Variants in RUFY3 observed in about 807,000 individuals in gnomAD.
RUFY3 encodes the protein protein RUFY3.
RUFY3 carries 34 observed loss-of-function variants against 84.0 expected under a neutral mutation model. The ratio of observed to expected loss-of-function variants is 0.40; its 90% CI spans 0.31 to 0.54. The LOEUF (loss-of-function observed/expected upper bound fraction) is 0.54. Among genes scored for constraint, RUFY3 ranks in the 20% least tolerant of loss-of-function variants. The pLI, the probability that RUFY3 is intolerant of heterozygous loss-of-function variation, is 0.39. For missense variants in RUFY3, 507 were observed against 736.8 expected (o/e 0.69, Z 3.61); for synonymous variants, 242 against 252.9 (o/e 0.96, Z 0.41).
At chr4:70,797,593 C>T (rs999238913) in intron 14 of RUFY3, among the ~76,000 whole-genome samples, 2 of 151,996 alleles carry the variant, frequency 1.3e-5, no homozygotes, top group Non-Finnish European at 2.9e-5. Flanking sequence ...ACCTGTAATC[C>T]CAGCACTTTG....
intron 17 of RUFY3, 80 bp from the exon 18 acceptor site, chr4:70,806,436 C>A: frequency 6.7e-7 from 1 of 1,495,660 alleles, no homozygotes; most frequent in Non-Finnish European, 9.2e-7. Flanking sequence ...TGAGCATTTG[C>A]CATATTTGGC....
At chr4:70,723,706 C>G (rs72654397) in intron 1 of RUFY3, among the ~76,000 whole-genome samples, 6 of 151,960 alleles carry the variant, frequency 3.9e-5, no homozygotes, top group Admixed American at 1.3e-4. Flanking sequence ...AAACAAAAAA[C>G]GCTTGCATAT....
chr4:70,728,712 C>G (rs1168141654), intron 1 of RUFY3, among the ~76,000 whole-genome samples: 2 of 152,028 alleles, frequency 1.3e-5, no homozygotes, highest in Admixed American at 1.3e-4. Context: ...CATTCCTACT[C>G]TCTGTTATCA....
intron 1 of RUFY3, among the ~76,000 whole-genome samples, chr4:70,758,104 A>G (rs1206752401): frequency 1.3e-5 from 2 of 152,208 alleles, no homozygotes; most frequent in East Asian, 1.9e-4. Context: ...GCTCAGTACA[A>G]TGTTACACAC....
intron 7 of RUFY3, among the ~76,000 whole-genome samples, chr4:70,777,856 T>C (rs1285097792): frequency 6.6e-6 from 1 of 152,252 alleles, no homozygotes; most frequent in Non-Finnish European, 1.5e-5. Flanking sequence ...ATGAACTCTT[T>C]TATTTCATTG....
rs189022955 is a variant in RUFY3 at position 70,780,295 on chromosome 4, T to G, written c.894+1857T>G. Among the ~76,000 whole-genome samples the G allele has an allele frequency of 2.0e-3, 295 of 150,458 alleles. 2 individuals carry two copies. The highest frequency in any genetic ancestry group is 7.2e-3 in the African/African-American group (289 of 39,876). The stretch of plus-strand genomic sequence containing the variant: ...GTTTTTTTGTTTTGTTTTGTTTTGT[T>G]TTTTGTTTTTTGTTTTTTGAGACAG... On this transcript the variant is annotated intron_variant, in intron 8 of 17. Coordinates refer to ENST00000381006, the MANE Select transcript of RUFY3 (RefSeq NM_001037442.4).
chr4:70,727,895 G>C (rs1253785373), intron 1 of RUFY3, among the ~76,000 whole-genome samples: 2 of 151,994 alleles, frequency 1.3e-5, no homozygotes, highest in Non-Finnish European at 2.9e-5. Flanking sequence ...GTATTATTGA[G>C]TGTTTAACAA....
chr4:70,793,845 G>C lies in RUFY3; in HGVS notation c.1398G>C (p.Gln466His). The part of the protein sequence containing the change: ...SAELDNRLFK[Q>H]DFGDKINSLQ... ...AGTTGGACAACCGGCTCTTCAAACA[G>C]GACTTTGGAGACAAGATCAACAGTC... The change falls in exon 13 of 18, where the codon CAG (glutamine) becomes CAC (histidine). Residue 466 changes from glutamine (Q) to histidine (H), a missense_variant. This residue lies in a region of RUFY3 where 334 missense variants were observed against 364.1 expected (regional missense o/e 0.92). Transcript: ENST00000381006. 1 of 1,614,090 alleles carries C rather than the reference G, an allele frequency of 6.2e-7. No individual in the cohort carries two copies. The highest frequency in any genetic ancestry group is 1.3e-5 in the African/African-American group (1 of 75,018).
intron 12 of RUFY3, chr4:70,792,721 G>C (rs114124999): frequency 2.0e-6 from 2 of 985,168 alleles, no homozygotes; most frequent in African/African-American, 1.7e-5. Context: ...AGAATTAAGA[G>C]TGTAAGATAG....
intron 1 of RUFY3, among the ~76,000 whole-genome samples, chr4:70,734,904 GCTT>G (rs1303670253): frequency 1.3e-5 from 2 of 152,172 alleles, no homozygotes; most frequent in Non-Finnish European, 2.9e-5. Context: ...GTGAAACAGA[GCTT>G]CTACTTGAAT....
At chr4:70,762,411 A>T (rs1022266196) in intron 1 of RUFY3, 108 bp from the exon 2 acceptor site, 2 of 980,098 alleles carry the variant, frequency 2.0e-6, no homozygotes, top group African/African-American at 3.3e-5. Context: ...GGAAACTGGC[A>T]TTTTTTTTCA....
chr4:70,775,608 G>A (rs985625147), intron 7 of RUFY3, among the ~76,000 whole-genome samples: 1 of 152,090 alleles, frequency 6.6e-6, no homozygotes, highest in African/African-American at 2.4e-5. Flanking sequence ...GCATATTTCA[G>A]AACTGATCTT....
intron 1 of RUFY3, among the ~76,000 whole-genome samples, chr4:70,759,432 A>G (rs1724646773): frequency 6.6e-6 from 1 of 151,394 alleles, no homozygotes; most frequent in Non-Finnish European, 1.5e-5. Flanking sequence ...TGTTGATGAC[A>G]CTTAGGTTGA....
At chr4:70,703,778 T>G (rs1739946961), upstream of RUFY3, 2 of 152,226 alleles carry the variant, frequency 1.3e-5, no homozygotes, top group African/African-American at 4.8e-5. Flanking sequence ...AATAAAAATG[T>G]TTACTTTTCC....
chr4:70,775,509 A>G (rs1163143155), intron 7 of RUFY3, among the ~76,000 whole-genome samples: 1 of 152,008 alleles, frequency 6.6e-6, no homozygotes, highest in African/African-American at 2.4e-5. Context: ...TTAAATAGAT[A>G]AATACGTAAA....
At chr4:70,735,243 G>GT (rs1299411087) in intron 1 of RUFY3, among the ~76,000 whole-genome samples, 1 of 152,176 alleles carries the variant, frequency 6.6e-6, no homozygotes, top group East Asian at 1.9e-4. Context: ...TGAGGGGGAG[G>GT]TGGAGAGTAT....
intron 13 of RUFY3, chr4:70,794,552 GCCTGGCA>G: frequency 2.3e-6 from 1 of 440,382 alleles, no homozygotes; most frequent in Non-Finnish European, 4.0e-6. Context: ...CTGCACTCCA[GCCTGGCA>G]ACAGAACAAG....
intron 1 of RUFY3, among the ~76,000 whole-genome samples, chr4:70,740,838 T>A (rs1159506140): frequency 6.6e-6 from 1 of 152,182 alleles, no homozygotes; most frequent in African/African-American, 2.4e-5. Context: ...AGACACATAA[T>A]TCCAAAATTA....
Position 70,793,885 on chromosome 4 carries a change from G to A in RUFY3, c.1438G>A (p.Glu480Lys), listed in dbSNP as rs779054462. The A allele has an allele frequency of 2.9e-5, 47 of 1,613,862 alleles. No homozygotes were observed. The South Asian group carries it at 4.4e-4, about 15-fold the overall frequency. Reference protein sequence around the residue: ...DKINSLQLEVEELTRQRNQLE... With the variant: ...DKINSLQLEVKELTRQRNQLE... ...GATCAACAGTCTGCAGCTGGAAGTCGAGGAGCTCACCAGGCAGCGGTGAAG... is the reference window on the plus strand; with the variant it reads ...GATCAACAGTCTGCAGCTGGAAGTCAAGGAGCTCACCAGGCAGCGGTGAAG... The change falls in exon 13 of 18, where the codon GAG becomes AAG. Residue 480 changes from glutamate (E) to lysine (K), a missense_variant. By Grantham distance (56) the Glu-to-Lys change is moderately conservative. Around this residue, in one of 4 missense-constraint regions of RUFY3, gnomAD observed 334 missense variants for 364.1 expected, o/e 0.92. Coordinates refer to ENST00000381006, the MANE Select transcript of RUFY3 (RefSeq NM_001037442.4).
Sources: gnomAD v4.1 joint callset for allele counts (sites outside exome capture counted in the v4.1 genomes callset) on GRCh38, gnomAD v4.1.1 for gene constraint, gnomAD v4.1.1 regional missense constraint, MANE v1.5 for transcripts, NCBI Gene and HGNC (gene_info 2026-07-23, HGNC 2026-07-21) for gene names.